The following UTRN variants were observed in gnomAD, a reference collection of about 807,000 sequenced individuals.
UTRN encodes dystrophin-related protein 1.
Under a neutral mutation model 463.9 loss-of-function variants are expected in UTRN, and 283 were observed. The observed-to-expected ratio is 0.61, with a 90% CI of 0.55 to 0.67. The LOEUF is 0.67. UTRN is among the 30% of genes least tolerant of loss of function. UTRN has a pLI of 0.00. For missense variants in UTRN, 3,922 were observed against 4,084.3 expected, an observed-to-expected ratio of 0.96 and a Z score of 1.08; for synonymous variants, 1,442 against 1,431.5, an observed-to-expected ratio of 1.01 and a Z score of -0.17.
intron 2 of UTRN, among the ~76,000 whole-genome samples, chr6:144,400,111 T>C (rs1364484431): frequency 1.3e-5 from 2 of 152,188 alleles, no homozygotes; most frequent in African/African-American, 4.8e-5. Flanking sequence ...GCAAAGGCTT[T>C]TAGAAACAAA....
In UTRN at chr6:144,369,174, C is replaced by T. The variant is rs375408294; in HGVS notation, c.80-33949C>T. 3.9e-5 allele frequency among the ~76,000 whole-genome samples: 6 copies of T among 152,310 alleles called. No homozygotes were observed. The East Asian group carries it at 5.8e-4, about 15-fold the overall frequency. Reference sequence around the variant, plus strand: ...TAAAACTTACCCAGATCTGTTCATTCGTTCATTTGATTCATATTTGTTTAT... The same window carrying T: ...TAAAACTTACCCAGATCTGTTCATTTGTTCATTTGATTCATATTTGTTTAT... On this transcript the variant is annotated intron_variant, in intron 2 of 74. Coordinates refer to ENST00000367545, the MANE Select transcript of UTRN (RefSeq NM_007124.3).
intron 2 of UTRN, among the ~76,000 whole-genome samples, chr6:144,383,812 A>G (rs924362169): frequency 6.6e-6 from 1 of 152,224 alleles, no homozygotes; most frequent in African/African-American, 2.4e-5. Context: ...GTCTAGAGGC[A>G]TGATCAGAGT....
At chr6:144,803,827 T>C (rs1247547895) in intron 65 of UTRN, among the ~76,000 whole-genome samples, 1 of 152,116 alleles carries the variant, frequency 6.6e-6, no homozygotes, top group African/African-American at 2.4e-5. Context: ...TACATTGCAA[T>C]AGAATAAAGC....
At chr6:144,773,377 C>T (rs1038230789) in intron 59 of UTRN, among the ~76,000 whole-genome samples, 8 of 152,106 alleles carry the variant, frequency 5.3e-5, no homozygotes, top group Non-Finnish European at 1.2e-4. Context: ...GGGCCCTCTG[C>T]CTACTGTGCA....
intron 51 of UTRN, among the ~76,000 whole-genome samples, chr6:144,604,046 A>T (rs1435589912): frequency 1.3e-5 from 2 of 152,148 alleles, no homozygotes; most frequent in Non-Finnish European, 2.9e-5. Flanking sequence ...GTAATTCCAG[A>T]TCCACTGGGC....
Position 144,374,685 on chromosome 6 carries a change from T to C in UTRN, c.80-28438T>C, listed in dbSNP as rs543308213. 1.2e-3 allele frequency among the ~76,000 whole-genome samples: 185 copies of C among 150,830 alleles called. 1 individual carries two copies. The highest frequency in any genetic ancestry group is 4.2e-3 in the African/African-American group (173 of 41,218). ...TTTTAGTAGAGATGAGGTTTCACCA[T>C]GTTGGTCAGGCTGGTCTTAATCTCC... On this transcript the variant is annotated intron_variant, in intron 2 of 74. Coordinates refer to ENST00000367545, the MANE Select transcript of UTRN (RefSeq NM_007124.3).
chr6:144,621,729 C>G (rs1775401635), intron 51 of UTRN, among the ~76,000 whole-genome samples: 1 of 152,180 alleles, frequency 6.6e-6, no homozygotes, highest in Admixed American at 6.5e-5. Flanking sequence ...ACTGCCGTAT[C>G]TTTTACCTTG....
intron 60 of UTRN, among the ~76,000 whole-genome samples, chr6:144,780,126 T>C (rs1197253861): frequency 6.6e-6 from 1 of 152,214 alleles, no homozygotes; most frequent in Admixed American, 6.5e-5. Flanking sequence ...TATTAGTTAT[T>C]CAGTGGTTAC....
intron 2 of UTRN, among the ~76,000 whole-genome samples, chr6:144,326,988 C>T (rs1481257634): frequency 1.3e-5 from 2 of 152,090 alleles, no homozygotes; most frequent in East Asian, 1.9e-4. Context: ...AATCTCATGC[C>T]GTTGTTGATG....
intron 18 of UTRN, 121 bp downstream of exon 18, chr6:144,451,614 G>A: frequency 8.5e-7 from 1 of 1,179,274 alleles, no homozygotes; most frequent in African/African-American, 1.5e-5. Flanking sequence ...TAGGCAGAAG[G>A]TAGCTTTTAG....
At chr6:144,588,002 GT>G (rs578208171) in intron 51 of UTRN, among the ~76,000 whole-genome samples, 131 of 152,242 alleles carry the variant, frequency 8.6e-4, no homozygotes, top group African/African-American at 3.1e-3. Context: ...ATGTAGATGG[GT>G]TTGCCTCCAT....
rs1196114317 is a variant in UTRN, at chr6:144,548,773, A to G, written c.6729A>G (p.Val2243=). The change falls in exon 47 of 75, where the codon GTA becomes GTG. Residue 2243 remains valine, a synonymous_variant. Transcript: ENST00000367545. ...KTITELADWL[V]LIDQMLKSNI... ...TAACAGAACTAGCCGACTGGCTGGTATTAATCGACCAGATGCTGAAGTCCA... is the reference window on the plus strand; with the variant it reads ...TAACAGAACTAGCCGACTGGCTGGTGTTAATCGACCAGATGCTGAAGTCCA... The G allele has an allele frequency of 6.2e-7, 1 of 1,614,034 alleles. No individual in the cohort carries two copies. The highest frequency in any genetic ancestry group is 8.5e-7 in the Non-Finnish European group (1 of 1,179,956).
chr6:144,518,052 G>A (rs1439895024), intron 39 of UTRN, among the ~76,000 whole-genome samples: 1 of 152,178 alleles, frequency 6.6e-6, no homozygotes, highest in Non-Finnish European at 1.5e-5. Context: ...AGGTTTGAAC[G>A]TGAAGTTAGA....
chr6:144,287,107 C>G (rs996711955), intron 1 of UTRN, among the ~76,000 whole-genome samples: 2 of 152,194 alleles, frequency 1.3e-5, no homozygotes, highest in African/African-American at 2.4e-5. Context: ...TGGGCCCTCC[C>G]GGTTCGTTGG....
At chr6:144,758,439 CTT>C (rs1229776813) in intron 58 of UTRN, 1 of 152,208 alleles carries the variant, frequency 6.6e-6, no homozygotes, top group African/African-American at 2.4e-5. Flanking sequence ...GTCTTATACT[CTT>C]GTCATTTTAT....
At chr6:144,399,568 A>G (rs1376988112) in intron 2 of UTRN, among the ~76,000 whole-genome samples, 2 of 152,156 alleles carry the variant, frequency 1.3e-5, no homozygotes, top group African/African-American at 4.8e-5. Flanking sequence ...AATAAGCTGC[A>G]CTTTAGGGAA....
rs117096076 is a variant in UTRN, at chr6:144,587,466, C to T, written c.7479+10178C>T. Among the ~76,000 whole-genome samples, 718 of 152,174 alleles carry T rather than the reference C, an allele frequency of 4.7e-3. 6 individuals are homozygous for T. The highest frequency in any genetic ancestry group is 0.01 in the Middle Eastern group (3 of 294). On this transcript the variant is annotated intron_variant, in intron 51 of 74. Transcript: ENST00000367545. ...TGCTAATGAGTAAATAGATAATGAA[C>T]ATGAAGGCACATTAATCTCTCAGCA...
At chr6:144,514,414 A>T (rs1035533243) in intron 36 of UTRN, among the ~76,000 whole-genome samples, 1 of 152,164 alleles carries the variant, frequency 6.6e-6, no homozygotes, top group Admixed American at 6.5e-5. Flanking sequence ...AATGAGTCTT[A>T]CATACTTTTG....
chr6:144,623,913 C>A (rs1486948571), intron 51 of UTRN, among the ~76,000 whole-genome samples: 2 of 152,044 alleles, frequency 1.3e-5, no homozygotes, highest in African/African-American at 2.4e-5. Context: ...AAAACTATAT[C>A]TCTGGGGCAA....
Sources: allele counts gnomAD v4.1 joint callset (sites outside exome capture counted in the v4.1 genomes callset), GRCh38; gene constraint gnomAD v4.1.1; transcripts MANE v1.5; gene names NCBI Gene and HGNC (gene_info 2026-07-23, HGNC 2026-07-21).